NRG3: variants seen among roughly 807,000 people sequenced by gnomAD.
NRG3 encodes the protein neuregulin 3, also known as pro-neuregulin-3, membrane-bound isoform.
A neutral mutation model predicts 66.9 loss-of-function variants in NRG3; 31 were observed. That is an observed-to-expected ratio of 0.46 (90% confidence interval 0.35 to 0.63). The LOEUF (loss-of-function observed/expected upper bound fraction) is 0.63, where lower values mean the gene tolerates loss of function less well. Ranked by LOEUF, NRG3 falls within the 20% of genes least tolerant of loss-of-function variation. The pLI is 0.00. For synonymous variants in NRG3, 393 were observed against 359.4 expected (o/e 1.09, Z -1.06); for missense variants, 910 against 878.9 (o/e 1.04, Z -0.45).
At chr10:82,001,564 G>C (rs941981164) in intron 1 of NRG3, among the ~76,000 whole-genome samples, 7 of 151,792 alleles carry the variant, frequency 4.6e-5, no homozygotes, top group African/African-American at 1.7e-4. Context: ...AGAGAGGAAT[G>C]AATGAAAATG....
chr10:81,915,042 C>T (rs1013937633), intron 1 of NRG3, among the ~76,000 whole-genome samples: 6 of 152,058 alleles, frequency 3.9e-5, no homozygotes, highest in African/African-American at 7.2e-5. Context: ...TCAAAGATCA[C>T]GTGGAGAAAT....
At chr10:82,899,390 C>T (rs1398535304) in intron 4 of NRG3, among the ~76,000 whole-genome samples, 1 of 152,026 alleles carries the variant, frequency 6.6e-6, no homozygotes, top group African/African-American at 2.4e-5. Context: ...ACAGTATGAA[C>T]AAAATCATGC....
chr10:82,604,484 A>T (rs995023106), intron 2 of NRG3, among the ~76,000 whole-genome samples: 5 of 152,158 alleles, frequency 3.3e-5, no homozygotes, highest in African/African-American at 9.7e-5. Flanking sequence ...TTACAAATAC[A>T]GCTGTTATAC....
chr10:82,484,401 T>C (rs1008890888), intron 2 of NRG3, among the ~76,000 whole-genome samples: 3 of 152,242 alleles, frequency 2.0e-5, no homozygotes, highest in African/African-American at 7.2e-5. Flanking sequence ...TCCTTGGGTT[T>C]GTTCTGAAGA....
At chr10:82,182,743 T>C (rs2073520167) in intron 1 of NRG3, among the ~76,000 whole-genome samples, 1 of 151,986 alleles carries the variant, frequency 6.6e-6, no homozygotes, top group Non-Finnish European at 1.5e-5. Flanking sequence ...ATTTTATATG[T>C]TTTCAGTTTA....
chr10:82,274,550 A>G (rs924459297), intron 1 of NRG3, among the ~76,000 whole-genome samples: 1 of 152,034 alleles, frequency 6.6e-6, no homozygotes, highest in African/African-American at 2.4e-5. Context: ...GAATATGATG[A>G]GAAGTGTAAG....
At chr10:82,191,773 A>G (rs1461960910) in intron 1 of NRG3, among the ~76,000 whole-genome samples, 1 of 152,084 alleles carries the variant, frequency 6.6e-6, no homozygotes, top group African/African-American at 2.4e-5. Flanking sequence ...CTTACCAAAC[A>G]CTGTTCTTGT....
At chr10:82,341,336 G>T (rs552391201) in intron 1 of NRG3, among the ~76,000 whole-genome samples, 9 of 152,182 alleles carry the variant, frequency 5.9e-5, no homozygotes, top group African/African-American at 2.2e-4. Flanking sequence ...ATATTAAAGA[G>T]ATTTCTTTAT....
rs117377889 is a variant in NRG3, at chr10:82,633,082, A to G, written c.954-105495A>G. 7.8e-3 allele frequency among the ~76,000 whole-genome samples: 1,191 copies of G among 152,262 alleles called. 6 individuals carry two copies. The highest frequency in any genetic ancestry group is 0.013 in the Non-Finnish European group (908 of 68,020). ...TAGCTACTGTACCTCCAAGCATCACATTTTCATCTGACTGTGTTTAAGCAA... is the reference window on the plus strand; with the variant it reads ...TAGCTACTGTACCTCCAAGCATCACGTTTTCATCTGACTGTGTTTAAGCAA... On this transcript the variant is annotated intron_variant, in intron 2 of 8. Transcript: ENST00000372141.
chr10:82,910,242 G>A (rs1274468691), intron 4 of NRG3, among the ~76,000 whole-genome samples: 1 of 152,176 alleles, frequency 6.6e-6, no homozygotes, highest in African/African-American at 2.4e-5. Context: ...TCATTGACAA[G>A]TTTGCCAATG....
intron 3 of NRG3, among the ~76,000 whole-genome samples, chr10:82,857,528 T>C (rs1002324941): frequency 6.6e-6 from 1 of 152,066 alleles, no homozygotes; most frequent in African/African-American, 2.4e-5. Flanking sequence ...GTGTGGGAGA[T>C]TGGGATTACA....
chr10:82,665,311 A>G (rs1009329785), intron 2 of NRG3, among the ~76,000 whole-genome samples: 2 of 152,200 alleles, frequency 1.3e-5, no homozygotes, highest in African/African-American at 2.4e-5. Context: ...GAGATACAAC[A>G]TATCACAATT....
chr10:82,912,598 A>C (rs779609516), intron 4 of NRG3, among the ~76,000 whole-genome samples: 1 of 152,180 alleles, frequency 6.6e-6, no homozygotes, highest in Non-Finnish European at 1.5e-5. Flanking sequence ...GTTTTTAAAA[A>C]TATACTTCGA....
chr10:81,876,116 C>T lies in NRG3; in HGVS notation c.776C>T (p.Ser259Phe), dbSNP rs761668767. The change falls in exon 1 of 9, where the codon TCC becomes TTC. Residue 259 changes from serine to phenylalanine, a missense_variant. Ser to Phe is a radical substitution (Grantham distance 155). Transcript: ENST00000372141. ...GCCTCCTCTTCTTCCTCTTCTTCCT[C>T]CTCCGCTACCACCACCACACCAGAA... ...DAASSSSSSS[S>F]SATTTTPETS... 3.7e-6 allele frequency: 6 copies of T among 1,608,306 alleles called. No homozygotes were observed. In the South Asian group the frequency reaches 5.5e-5, roughly 15 times the overall value.
rs1852016034 is a variant in NRG3, at chr10:82,974,022, G to A, written c.1412+107G>A. The A allele has an allele frequency of 2.3e-6, 3 of 1,294,476 alleles. No individual in the cohort carries two copies. The African/African-American group carries it at 4.4e-5, about 19-fold the overall frequency. 80.2% of individuals were successfully genotyped at this position (1,294,476 alleles called of 1,614,324 possible). ...TGACTTAGGAGAGACAACTGTTCTT[G>A]CTTCTCCTGTAGTTCTCTGTGGAGT... On this transcript the variant is annotated intron_variant, in intron 7 of 8. Coordinates refer to ENST00000372141, the MANE Select transcript of NRG3 (RefSeq NM_001010848.4).
At chr10:82,598,696 T>C (rs1294466829) in intron 2 of NRG3, among the ~76,000 whole-genome samples, 5 of 152,172 alleles carry the variant, frequency 3.3e-5, no homozygotes, top group Non-Finnish European at 5.9e-5. Context: ...AAATACTGTC[T>C]CTGGTGACTT....
intron 2 of NRG3, among the ~76,000 whole-genome samples, chr10:82,441,733 G>T (rs528379710): frequency 4.6e-5 from 7 of 152,192 alleles, no homozygotes; most frequent in South Asian, 4.2e-4. Flanking sequence ...ATAAGGAAAA[G>T]AATTAAATTA....
chr10:82,246,563 T>C (rs1231581943), intron 1 of NRG3, among the ~76,000 whole-genome samples: 1 of 152,182 alleles, frequency 6.6e-6, no homozygotes, highest in African/African-American at 2.4e-5. Flanking sequence ...TGGTTACCAG[T>C]GAAATCTGGG....
intron 1 of NRG3, among the ~76,000 whole-genome samples, chr10:81,972,008 C>T (rs1397804324): frequency 6.6e-6 from 1 of 152,150 alleles, no homozygotes; most frequent in Non-Finnish European, 1.5e-5. Context: ...ATACCTGACA[C>T]TCACACTGGG....
Sources: allele counts gnomAD v4.1 joint callset (sites outside exome capture counted in the v4.1 genomes callset), GRCh38; gene constraint gnomAD v4.1.1; transcripts MANE v1.5; gene names NCBI Gene and HGNC (gene_info 2026-07-23, HGNC 2026-07-21).